Variants in ALK observed in about 807,000 individuals in gnomAD.
ALK encodes the protein ALK tyrosine kinase receptor.
Under a neutral mutation model 163.1 loss-of-function variants are expected in ALK, and 74 were observed. That is an observed-to-expected ratio of 0.45 (90% confidence interval 0.38 to 0.55). The LOEUF (loss-of-function observed/expected upper bound fraction) is 0.55, where lower values mean the gene tolerates loss of function less well. ALK is among the 20% of genes least tolerant of loss of function. The pLI is 0.00. For synonymous variants in ALK, 960 were observed against 843.2 expected, an observed-to-expected ratio of 1.14 and a Z score of -2.40; for missense variants, 2,063 against 2,105.3, an observed-to-expected ratio of 0.98 and a Z score of 0.39.
chr2:29,272,808 T>G (rs1665427602), intron 11 of ALK, among the ~76,000 whole-genome samples: 1 of 152,208 alleles, frequency 6.6e-6, no homozygotes, highest in South Asian at 2.1e-4. Flanking sequence ...CCATTTTTAG[T>G]GTTTATCTCC....
At chr2:29,247,042 G>C (rs372241958) in intron 12 of ALK, among the ~76,000 whole-genome samples, 2 of 152,174 alleles carry the variant, frequency 1.3e-5, no homozygotes, top group African/African-American at 4.8e-5. Flanking sequence ...ACAATGCTTA[G>C]GGCCTTCGAA....
chr2:29,284,159 C>A (rs963437915), intron 9 of ALK, among the ~76,000 whole-genome samples: 2 of 152,090 alleles, frequency 1.3e-5, no homozygotes. Flanking sequence ...TCTCACTAGG[C>A]AGTGGGGTGT....
chr2:29,457,369 T>C (rs996986926), intron 4 of ALK, among the ~76,000 whole-genome samples: 4 of 151,830 alleles, frequency 2.6e-5, no homozygotes, highest in Non-Finnish European at 2.9e-5. Context: ...CGGTTAGGAG[T>C]AGGGAGGGCT....
At chr2:29,292,377 G>GATAT (rs1666055757) in intron 9 of ALK, among the ~76,000 whole-genome samples, 1 of 152,202 alleles carries the variant, frequency 6.6e-6, no homozygotes, top group Non-Finnish European at 1.5e-5. Flanking sequence ...AATTTAGTAA[G>GATAT]ATATATAGAG....
intron 3 of ALK, among the ~76,000 whole-genome samples, chr2:29,607,945 T>C (rs557205879): frequency 2.0e-5 from 3 of 152,282 alleles, no homozygotes; most frequent in South Asian, 2.1e-4. Flanking sequence ...TTTGCCAACA[T>C]AATCGTGATT....
chr2:29,194,284 C>T (rs1165718545), intron 28 of ALK, among the ~76,000 whole-genome samples: 7 of 149,782 alleles, frequency 4.7e-5, no homozygotes, highest in Non-Finnish European at 7.4e-5. Context: ...AAAATCGTTC[C>T]AACTGGAAAA....
intron 3 of ALK, among the ~76,000 whole-genome samples, chr2:29,570,762 T>C (rs575245594): frequency 6.6e-6 from 1 of 152,330 alleles, no homozygotes; most frequent in South Asian, 2.1e-4. Flanking sequence ...CAGGGTTCCC[T>C]GGCAGAGGGC....
chr2:29,198,957 TTTTC>T (rs1367289957), intron 26 of ALK, among the ~76,000 whole-genome samples: 1 of 125,934 alleles, frequency 7.9e-6, no homozygotes, highest in Non-Finnish European at 1.6e-5. Context: ...TTATTAGTTG[TTTTC>T]TTTTTTTTTT....
intron 1 of ALK, among the ~76,000 whole-genome samples, chr2:29,768,555 T>C (rs1244176582): frequency 6.6e-6 from 1 of 152,166 alleles, no homozygotes; most frequent in Non-Finnish European, 1.5e-5. Context: ...ATTATATTGG[T>C]ATATAAAGTT....
intron 9 of ALK, among the ~76,000 whole-genome samples, chr2:29,288,721 C>G (rs960607418): frequency 1.3e-5 from 2 of 151,960 alleles, no homozygotes; most frequent in Non-Finnish European, 2.9e-5. Flanking sequence ...GAGGCTGAGG[C>G]GGGCAGATCA....
chr2:29,601,843 C>T (rs991226691), intron 3 of ALK, among the ~76,000 whole-genome samples: 1 of 151,860 alleles, frequency 6.6e-6, no homozygotes, highest in African/African-American at 2.4e-5. Flanking sequence ...ACTCAGAGGC[C>T]GAAGCTCATT....
At chr2:29,790,356 CAT>C (rs1338487962) in intron 1 of ALK, among the ~76,000 whole-genome samples, 1 of 152,124 alleles carries the variant, frequency 6.6e-6, no homozygotes, top group Non-Finnish European at 1.5e-5. Context: ...TCACAAGTGA[CAT>C]AGACTGGGCT....
chr2:29,766,258 G>C (rs1317340485), intron 1 of ALK, among the ~76,000 whole-genome samples: 1 of 152,084 alleles, frequency 6.6e-6, no homozygotes, highest in Admixed American at 6.5e-5. Context: ...TTAAACATCT[G>C]GTATGGATCC....
chr2:29,873,224 T>C (rs778405890), intron 1 of ALK, among the ~76,000 whole-genome samples: 5 of 152,218 alleles, frequency 3.3e-5, no homozygotes, highest in Non-Finnish European at 7.3e-5. Context: ...TTCTCATGAT[T>C]AATGATAAAA....
intron 23 of ALK, 28 bp from the exon 24 acceptor site, chr2:29,214,109 A>T (rs779974839): frequency 1.3e-6 from 2 of 1,594,234 alleles, no homozygotes; most frequent in Non-Finnish European, 1.7e-6. Context: ...CGGGCCACTG[A>T]CGAGGAGCTT....
chr2:29,699,893 T>C (rs1169766938), intron 2 of ALK, among the ~76,000 whole-genome samples: 1 of 152,146 alleles, frequency 6.6e-6, no homozygotes, highest in Non-Finnish European at 1.5e-5. Context: ...TCAAGTGCTA[T>C]GAAGGGAAAG....
At chr2:29,799,506 A>AAAACAAACAAACAAAC (rs143069404) in intron 1 of ALK, among the ~76,000 whole-genome samples, 4 of 151,344 alleles carry the variant, frequency 2.6e-5, no homozygotes, top group South Asian at 2.1e-4. Flanking sequence ...GTCTCAAAAC[A>AAAACAAACAAACAAAC]AAACAAACAA....
At chr2:29,491,064 G>A (rs895048907) in intron 4 of ALK, among the ~76,000 whole-genome samples, 3 of 152,044 alleles carry the variant, frequency 2.0e-5, no homozygotes, top group Non-Finnish European at 4.4e-5. Context: ...TTCTTTCCAG[G>A]GTCCTCTGAG....
chr2:29,888,726 A>G (rs1217848647), intron 1 of ALK, among the ~76,000 whole-genome samples: 1 of 152,216 alleles, frequency 6.6e-6, no homozygotes, highest in African/African-American at 2.4e-5. Flanking sequence ...CCCAAAAAGG[A>G]GTCCCTCTTA....
Sources: gnomAD v4.1 joint callset for allele counts (sites outside exome capture counted in the v4.1 genomes callset) on GRCh38, gnomAD v4.1.1 for gene constraint, MANE v1.5 for transcripts, NCBI Gene and HGNC (gene_info 2026-07-23, HGNC 2026-07-21) for gene names.